The following SMIM19 variants were observed in gnomAD, a reference collection of about 807,000 sequenced individuals.
SMIM19 encodes small integral membrane protein 19.
In SMIM19, 6 loss-of-function variants were observed where a neutral mutation model predicts 13.2. That is an observed-to-expected ratio of 0.45 (90% confidence interval 0.25 to 0.90). The LOEUF is 0.90. SMIM19 is among the 40% of genes least tolerant of loss of function. The probability of loss-of-function intolerance (pLI) is 0.19; values close to 1 mark genes in which losing one functional copy is unlikely to be tolerated. For missense variants in SMIM19, 138 were observed against 131.0 expected, an observed-to-expected ratio of 1.05 and a Z score of -0.26; for synonymous variants, 46 against 43.1, an observed-to-expected ratio of 1.07 and a Z score of -0.27.
At chr8:42,545,919 ATAT>A (rs1403107040) in intron 1 of SMIM19, among the ~76,000 whole-genome samples, 1 of 152,130 alleles carries the variant, frequency 6.6e-6, no homozygotes, top group African/African-American at 2.4e-5. Flanking sequence ...CCTTTTAGTA[ATAT>A]TATTTTTTAT....
Position 42,555,149 on chromosome 8 carries a change from C to A in SMIM19, c.*2541C>A, listed in dbSNP as rs1813781524. 6.6e-6 allele frequency: 1 copy of A among 152,070 alleles called. No homozygotes were observed. 9.4% of individuals were successfully genotyped at this position (152,070 alleles called of 1,614,324 possible). ...AATAGTTTCAGATGTTAAGATGATA[C>A]AAGAATAAATTTAACCTAGAAAATA... On this transcript the variant is annotated 3_prime_UTR_variant, in exon 4 of 4. Coordinates refer to ENST00000417410, the MANE Select transcript of SMIM19 (RefSeq NM_001135674.2).
At chr8:42,548,145 G>A (rs935146366) in intron 2 of SMIM19, among the ~76,000 whole-genome samples, 16 of 152,164 alleles carry the variant, frequency 1.1e-4, no homozygotes, top group African/African-American at 3.1e-4. Flanking sequence ...AACAGCCACC[G>A]CCGCCTCCCC....
chr8:42,546,707 G>A (rs1813499204), intron 2 of SMIM19, 101 bp downstream of exon 2: 5 of 1,399,064 alleles, frequency 3.6e-6, no homozygotes, highest in Non-Finnish European at 4.8e-6. Context: ...TCATCAGGCT[G>A]GACGCAGTGG....
At chr8:42,549,720 T>C (rs1813605634) in intron 3 of SMIM19, among the ~76,000 whole-genome samples, 1 of 152,032 alleles carries the variant, frequency 6.6e-6, no homozygotes, top group East Asian at 1.9e-4. Flanking sequence ...ATGGTTAAAA[T>C]GGTAAAGTTT....
chr8:42,545,089 C>T (rs1813431469), intron 1 of SMIM19, among the ~76,000 whole-genome samples: 1 of 152,186 alleles, frequency 6.6e-6, no homozygotes, highest in African/African-American at 2.4e-5. Flanking sequence ...CATTTTTCTC[C>T]TGTATATAGA....
intron 3 of SMIM19, among the ~76,000 whole-genome samples, chr8:42,550,195 G>C (rs1407627267): frequency 6.6e-6 from 1 of 152,084 alleles, no homozygotes; most frequent in Non-Finnish European, 1.5e-5. Flanking sequence ...GTTATTTGCT[G>C]TCAGTAATAT....
At chr8:42,542,427 GAGAA>G (rs1813279025) in intron 1 of SMIM19, 54 bp downstream of exon 1, 2 of 985,274 alleles carry the variant, frequency 2.0e-6, no homozygotes, top group African/African-American at 1.7e-5. Context: ...AGAGGGATGA[GAGAA>G]AGAAATCCCA....
At chr8:42,549,526 C>G (rs182972408) in intron 3 of SMIM19, among the ~76,000 whole-genome samples, 7 of 151,978 alleles carry the variant, frequency 4.6e-5, no homozygotes, top group Non-Finnish European at 1.0e-4. Context: ...ATTTCACTTA[C>G]GTGAGGCAAA....
chr8:42,551,108 G>A (rs1247474784), intron 3 of SMIM19, among the ~76,000 whole-genome samples: 1 of 151,724 alleles, frequency 6.6e-6, no homozygotes, highest in Non-Finnish European at 1.5e-5. Flanking sequence ...CACCAGGTCA[G>A]GAGATCGAGA....
At chr8:42,545,425 C>T (rs561017821) in intron 1 of SMIM19, among the ~76,000 whole-genome samples, 1 of 152,314 alleles carries the variant, frequency 6.6e-6, no homozygotes, top group African/African-American at 2.4e-5. Flanking sequence ...CTAAACGTTT[C>T]CCAGTGTGGG....
chr8:42,546,928 G>GCCAAGATCGCACCAC (rs11269558), intron 2 of SMIM19, among the ~76,000 whole-genome samples: 2 of 151,080 alleles, frequency 1.3e-5, no homozygotes, highest in Non-Finnish European at 3.0e-5. Flanking sequence ...GGTTGCAGTG[G>GCCAAGATCGCACCAC]TGTACTCCAG....
intron 3 of SMIM19, among the ~76,000 whole-genome samples, chr8:42,550,135 A>G (rs915311476): frequency 1.3e-5 from 2 of 152,192 alleles, no homozygotes; most frequent in Non-Finnish European, 2.9e-5. Context: ...GGAGCTCTGT[A>G]TGAAAAATTC....
At chr8:42,548,607 T>C (rs1813563849) in intron 2 of SMIM19, 49 bp from the exon 3 acceptor site, 3 of 1,608,450 alleles carry the variant, frequency 1.9e-6, no homozygotes, top group Non-Finnish European at 2.5e-6. Context: ...ATATTACAAC[T>C]CTATAGACAT....
intron 3 of SMIM19, 58 bp from the exon 4 acceptor site, chr8:42,552,486 G>A (rs1813705172): frequency 1.3e-6 from 2 of 1,519,432 alleles, no homozygotes; most frequent in African/African-American, 2.7e-5. Flanking sequence ...ATATTGTTAA[G>A]TAGTAATCAT....
At chr8:42,543,050 T>C (rs2131484157) in intron 1 of SMIM19, among the ~76,000 whole-genome samples, 1 of 151,930 alleles carries the variant, frequency 6.6e-6, no homozygotes, top group South Asian at 2.1e-4. Flanking sequence ...CTAGTTGTAA[T>C]ATATTGGCAA....
chr8:42,551,801 G>T (rs1813683390), intron 3 of SMIM19, among the ~76,000 whole-genome samples: 1 of 151,996 alleles, frequency 6.6e-6, no homozygotes, highest in Admixed American at 6.6e-5. Flanking sequence ...AAAATTAGCT[G>T]GGTGTGGTGA....
At chr8:42,541,424 TAG>T (rs1431188047), upstream of SMIM19, 3 of 129,550 alleles carry the variant, frequency 2.3e-5, no homozygotes, top group South Asian at 2.5e-4. Context: ...CGCGGCGCGG[TAG>T]GGGAAAGGAG....
intron 3 of SMIM19, among the ~76,000 whole-genome samples, chr8:42,549,951 C>T (rs1260043769): frequency 6.6e-6 from 1 of 151,942 alleles, no homozygotes; most frequent in African/African-American, 2.4e-5. Context: ...CAAAAATTAG[C>T]TGGGTGTGGT....
intron 2 of SMIM19, among the ~76,000 whole-genome samples, chr8:42,546,877 G>A (rs1011895981): frequency 1.3e-5 from 2 of 151,914 alleles, no homozygotes; most frequent in Non-Finnish European, 2.9e-5. Context: ...CTGTTACTTG[G>A]GCGGCTGAGA....
Sources: allele counts gnomAD v4.1 joint callset (sites outside exome capture counted in the v4.1 genomes callset), GRCh38; gene constraint gnomAD v4.1.1; transcripts MANE v1.5; gene names NCBI Gene and HGNC (gene_info 2026-07-23, HGNC 2026-07-21).